FUT8: variants seen among roughly 807,000 people sequenced by gnomAD.
FUT8 encodes alpha-(1,6)-fucosyltransferase.
FUT8 carries 29 observed loss-of-function variants against 71.3 expected under a neutral mutation model. The observed-to-expected ratio is 0.41, with a 90% CI of 0.30 to 0.55. FUT8 has a LOEUF of 0.55. Ranked by LOEUF, FUT8 falls within the 20% of genes least tolerant of loss-of-function variation. The pLI, the probability that FUT8 is intolerant of heterozygous loss-of-function variation, is 0.34. For synonymous variants in FUT8, 254 were observed against 239.3 expected (o/e 1.06, Z -0.57); for missense variants, 544 against 702.1 (o/e 0.77, Z 2.55).
chr14:65,579,130 G>A (rs1288450398), intron 3 of FUT8, among the ~76,000 whole-genome samples: 1 of 151,904 alleles, frequency 6.6e-6, no homozygotes, highest in African/African-American at 2.4e-5. Context: ...TTTGTTATGT[G>A]CAGAAGCTAA....
chr14:65,642,381 T>A (rs1056575384), intron 6 of FUT8, among the ~76,000 whole-genome samples: 1 of 152,090 alleles, frequency 6.6e-6, no homozygotes, highest in African/African-American at 2.4e-5. Flanking sequence ...GGTGGGTGGA[T>A]CACTTGAGGC....
rs1885909699 is a variant in FUT8 at position 65,561,468 on chromosome 14, A to C, written c.-96A>C. 2 of 1,086,902 alleles carry C rather than the reference A, an allele frequency of 1.8e-6. No homozygotes were observed. The highest frequency in any genetic ancestry group is 4.7e-5 in the East Asian group (2 of 42,180). The allele number at this position is 1,086,902 out of a possible 1,614,324, so 67.3% of individuals were successfully genotyped here. On this transcript the variant is annotated 5_prime_UTR_variant, in exon 3 of 11. Coordinates refer to ENST00000673929, the MANE Select transcript of FUT8 (RefSeq NM_001371533.1). ...GAAGCATCATGTGTTGAAACAACAG[A>C]AGTCTATTCACCTGTGCACTAACTA...
chr14:65,637,595 ATATT>A (rs1326482002), intron 6 of FUT8, among the ~76,000 whole-genome samples: 2 of 152,094 alleles, frequency 1.3e-5, no homozygotes, highest in African/African-American at 2.4e-5. Flanking sequence ...AGATTTATTT[ATATT>A]TATTTATTTA....
chr14:65,567,067 A>C (rs555717479), intron 3 of FUT8, among the ~76,000 whole-genome samples: 1 of 152,054 alleles, frequency 6.6e-6, no homozygotes, highest in South Asian at 2.1e-4. Flanking sequence ...TTAATTGACA[A>C]CTTTCCTTTT....
At chr14:65,562,497 A>G (rs893775355) in intron 3 of FUT8, among the ~76,000 whole-genome samples, 1 of 152,124 alleles carries the variant, frequency 6.6e-6, no homozygotes, top group Non-Finnish European at 1.5e-5. Flanking sequence ...AAAGTCTCCT[A>G]TATATTTTCA....
At chr14:65,687,583 T>C (rs184695355) in intron 7 of FUT8, among the ~76,000 whole-genome samples, 2 of 152,324 alleles carry the variant, frequency 1.3e-5, no homozygotes, top group African/African-American at 4.8e-5. Flanking sequence ...ATATGTATTC[T>C]TTTTGGTCGG....
At chr14:65,504,695 G>A (rs1007713391) in intron 2 of FUT8, among the ~76,000 whole-genome samples, 2 of 152,060 alleles carry the variant, frequency 1.3e-5, no homozygotes, top group South Asian at 2.1e-4. Context: ...GGTTACAGGC[G>A]CCCGCCACCA....
intron 9 of FUT8, among the ~76,000 whole-genome samples, chr14:65,731,920 A>G (rs1896000446): frequency 6.6e-6 from 1 of 152,126 alleles, no homozygotes; most frequent in South Asian, 2.1e-4. Context: ...CATGCTGACA[A>G]AGTTAGTCTT....
chr14:65,640,764 C>T (rs1268001257), intron 6 of FUT8, among the ~76,000 whole-genome samples: 2 of 150,484 alleles, frequency 1.3e-5, no homozygotes, highest in African/African-American at 5.0e-5. Context: ...TATTATGGTA[C>T]CTTTGATTCT....
In FUT8 at chr14:65,570,706, AG is replaced by A. The variant is rs542940747; in HGVS notation, c.203+8942del. Among the ~76,000 whole-genome samples, 16 of 152,188 alleles carry A rather than the reference AG, an allele frequency of 1.1e-4. No homozygotes were observed. The South Asian group carries it at 3.3e-3, about 32-fold the overall frequency. On this transcript the variant is annotated intron_variant, in intron 3 of 10. Transcript: ENST00000673929. ...ATTGTATACCTTAATTGTGTGGTAA[AG>A]GAAAGGAAGAGTTTAAGTGGATTCA...
chr14:65,700,241 C>T (rs1302037595), intron 7 of FUT8, among the ~76,000 whole-genome samples: 2 of 152,078 alleles, frequency 1.3e-5, no homozygotes, highest in African/African-American at 2.4e-5. Flanking sequence ...ACATCAAGGC[C>T]TGAATATTCA....
intron 3 of FUT8, among the ~76,000 whole-genome samples, chr14:65,568,248 T>C (rs1283610831): frequency 1.3e-5 from 2 of 151,784 alleles, no homozygotes; most frequent in African/African-American, 2.4e-5. Flanking sequence ...CATACTTGTA[T>C]ATCTATAGTA....
chr14:65,575,121 A>C (rs1241755902), intron 3 of FUT8, among the ~76,000 whole-genome samples: 1 of 151,026 alleles, frequency 6.6e-6, no homozygotes, highest in East Asian at 1.9e-4. Context: ...TATTTCTTAT[A>C]ATAGTCTAGG....
chr14:65,390,465 A>C, the FUT8 span, among the ~76,000 whole-genome samples: 5 of 152,082 alleles, frequency 3.3e-5, no homozygotes, highest in Admixed American at 6.6e-5. Context: ...GCCTTTTTAC[A>C]TAACTTTTGA....
the FUT8 span, among the ~76,000 whole-genome samples, chr14:65,400,566 C>T: frequency 6.6e-6 from 1 of 152,132 alleles, no homozygotes; most frequent in Non-Finnish European, 1.5e-5. Flanking sequence ...TTTTGATAAA[C>T]CTACTCTGGA....
chr14:65,367,674 A>G, the FUT8 span, among the ~76,000 whole-genome samples: 1 of 152,248 alleles, frequency 6.6e-6, no homozygotes, highest in Non-Finnish European at 1.5e-5. Flanking sequence ...CAATCTTTAG[A>G]GATGCAAATC....
At chr14:65,464,333 T>G (rs2066010915) in intron 2 of FUT8, among the ~76,000 whole-genome samples, 1 of 147,300 alleles carries the variant, frequency 6.8e-6, no homozygotes, top group Non-Finnish European at 1.5e-5. Flanking sequence ...TTCTTCTCAA[T>G]TTGTGTACCT....
chr14:65,363,179 T>C, the FUT8 span, among the ~76,000 whole-genome samples: 2 of 152,138 alleles, frequency 1.3e-5, no homozygotes, highest in African/African-American at 4.8e-5. Flanking sequence ...TGGTGTACAG[T>C]GGTGTGACCT....
At chr14:65,474,320 A>G (rs1271500304) in intron 2 of FUT8, among the ~76,000 whole-genome samples, 1 of 151,370 alleles carries the variant, frequency 6.6e-6, no homozygotes, top group Admixed American at 6.6e-5. Flanking sequence ...AAAAAAAAAG[A>G]GGCCAGGCAG....
Sources: gnomAD v4.1 joint callset for allele counts (sites outside exome capture counted in the v4.1 genomes callset) on GRCh38, gnomAD v4.1.1 for gene constraint, MANE v1.5 for transcripts, NCBI Gene and HGNC (gene_info 2026-07-23, HGNC 2026-07-21) for gene names.